NVL: variants seen among roughly 807,000 people sequenced by gnomAD.
NVL encodes nuclear VCP like.
NVL carries 84 observed loss-of-function variants against 110.2 expected under a neutral mutation model. The ratio of observed to expected loss-of-function variants is 0.76; its 90% CI spans 0.64 to 0.91. The LOEUF (loss-of-function observed/expected upper bound fraction) is 0.91. NVL is among the 40% of genes least tolerant of loss of function. The probability of loss-of-function intolerance (pLI) is 0.00; values close to 1 mark genes in which losing one functional copy is unlikely to be tolerated. For missense variants in NVL, 882 were observed against 1,035.9 expected (o/e 0.85, Z 2.04); for synonymous variants, 354 against 361.1 (o/e 0.98, Z 0.22).
intron 2 of NVL, among the ~76,000 whole-genome samples, chr1:224,321,883 G>A (rs1458229122): frequency 2.0e-5 from 3 of 152,026 alleles, no homozygotes; most frequent in Non-Finnish European, 4.4e-5. Flanking sequence ...ACCACAGCAA[G>A]GCTTCTTGGT....
intron 2 of NVL, among the ~76,000 whole-genome samples, chr1:224,325,227 A>C (rs1486231188): frequency 6.6e-6 from 1 of 150,690 alleles, no homozygotes; most frequent in Non-Finnish European, 1.5e-5. Flanking sequence ...GCGCCACTGC[A>C]CTCCAGCCTG....
chr1:224,323,387 T>C (rs933178563), intron 2 of NVL, among the ~76,000 whole-genome samples: 11 of 152,118 alleles, frequency 7.2e-5, no homozygotes, highest in East Asian at 3.9e-4. Context: ...TTGTAAAAAA[T>C]GAAAAAGCAT....
intron 18 of NVL, among the ~76,000 whole-genome samples, chr1:224,264,275 ACT>A (rs1282808643): frequency 6.7e-6 from 1 of 148,198 alleles, no homozygotes; most frequent in Non-Finnish European, 1.5e-5. Flanking sequence ...ATGGAGTCTC[ACT>A]CTGTCGCCCA....
chr1:224,311,779 C>A (rs1378253458), intron 5 of NVL, 21 bp downstream of exon 5: 2 of 1,598,458 alleles, frequency 1.3e-6, no homozygotes, highest in Non-Finnish European at 1.7e-6. Flanking sequence ...TCTAAGTGGA[C>A]CCACTAAATG....
At chr1:224,236,391 G>A (rs947530115) in intron 20 of NVL, 115 bp downstream of exon 20, 1 of 760,870 alleles carries the variant, frequency 1.3e-6, no homozygotes, top group Non-Finnish European at 2.3e-6. Context: ...TGCTTCATGG[G>A]ATACCTCATT....
At chr1:224,308,838 G>A (rs142720976) in intron 5 of NVL, among the ~76,000 whole-genome samples, 9,204 of 152,094 alleles carry the variant, frequency 0.061, 874 homozygotes, top group African/African-American at 0.2. Context: ...GAGGCGGGCG[G>A]ATCACGAGGT....
Position 224,275,436 on chromosome 1 carries a change from G to A in NVL, c.1985C>T (p.Ala662Val). The stretch of plus-strand genomic sequence containing the variant: ...GGCTCGTTGAAAAACTTGTCGCACA[G>A]CACGTTCACTCTCACCAACATACTA... ...LNMYVGESER[A>V]VRQVFQRAKN... The change falls in exon 17 of 23, where the codon GCT (alanine) becomes GTT (valine). Residue 662 changes from alanine to valine, a missense_variant. By Grantham distance (64) the Ala-to-Val change is moderately conservative. Coordinates refer to ENST00000281701, the MANE Select transcript of NVL (RefSeq NM_002533.4). 1 of 1,614,102 alleles carries A rather than the reference G, an allele frequency of 6.2e-7. No homozygotes were observed. Among genetic ancestry groups the A allele is most frequent in the Non-Finnish European group, 8.5e-7 (1 of 1,180,014 alleles).
At chr1:224,316,368 CATA>C in intron 4 of NVL, among the ~76,000 whole-genome samples, 1 of 151,968 alleles carries the variant, frequency 6.6e-6, no homozygotes. Context: ...TGCAATGTAA[CATA>C]CAGTGACAGA....
At chr1:224,230,957 C>A (rs1659809562) in intron 22 of NVL, among the ~76,000 whole-genome samples, 1 of 151,864 alleles carries the variant, frequency 6.6e-6, no homozygotes, top group South Asian at 2.1e-4. Flanking sequence ...CATGGTGAAA[C>A]CCCGTCTCTA....
intron 1 of NVL, 77 bp downstream of exon 1, chr1:224,329,994 C>T: frequency 7.0e-7 from 1 of 1,421,250 alleles, no homozygotes; most frequent in Non-Finnish European, 9.9e-7. Context: ...ACCTGGATGC[C>T]ACCCGACAAA....
Position 224,250,334 on chromosome 1 carries a change from G to GAA in NVL, c.2183-18_2183-17dup, listed in dbSNP as rs766551134. On this transcript the variant is annotated splice_polypyrimidine_tract_variant and intron_variant, in intron 18 of 22. Coordinates refer to ENST00000281701, the MANE Select transcript of NVL (RefSeq NM_002533.4). ...TCAATTATATCTAGAGAAGAAGGGAGAAAAAAAGTCTTAAATAAAACCTTT... is the reference window on the plus strand; with the variant it reads ...TCAATTATATCTAGAGAAGAAGGGAGAAAAAAAAAGTCTTAAATAAAACCTTT... The GAA allele has an allele frequency of 2.6e-6, 4 of 1,525,554 alleles. No homozygotes were observed. The African/African-American group carries it at 5.7e-5, about 22-fold the overall frequency. 94.5% of individuals were successfully genotyped at this position (1,525,554 alleles called of 1,614,324 possible). A position where few individuals can be genotyped will look rare whatever the true frequency, so the allele number is the denominator to read the frequency against.
chr1:224,233,812 G>T (rs560266458), intron 20 of NVL, among the ~76,000 whole-genome samples: 1 of 152,122 alleles, frequency 6.6e-6, no homozygotes, highest in East Asian at 1.9e-4. Flanking sequence ...GGAAATTATG[G>T]AGGAAACAAT....
intron 18 of NVL, 82 bp from the exon 19 acceptor site, chr1:224,250,400 C>T: frequency 7.8e-7 from 1 of 1,278,082 alleles, no homozygotes; most frequent in Non-Finnish European, 1.0e-6. Flanking sequence ...GGTCTTGTTC[C>T]ATCTCCCAGG....
chr1:224,300,465 G>T, intron 10 of NVL, 97 bp downstream of exon 10: 1 of 714,792 alleles, frequency 1.4e-6, no homozygotes, highest in Non-Finnish European at 2.3e-6. Context: ...AGAATGGCCA[G>T]TGAGTGGGTT....
At chr1:224,319,944 G>A (rs1314531076) in intron 2 of NVL, among the ~76,000 whole-genome samples, 1 of 151,950 alleles carries the variant, frequency 6.6e-6, no homozygotes, top group African/African-American at 2.4e-5. Flanking sequence ...CCAACCATGT[G>A]AAAACAGCAG....
rs909287403 is a variant in NVL at position 224,243,459 on chromosome 1, TCAA to T, written c.2289+6750_2289+6752del. On this transcript the variant is annotated intron_variant, in intron 19 of 22. Transcript: ENST00000281701. ...CTGGGTGACAGAGCAAGACCTTGTC[TCAA>T]CAACAACAACAACAAAAAAGTTTGT... Among the ~76,000 whole-genome samples, 15 of 151,936 alleles carry T rather than the reference TCAA, an allele frequency of 9.9e-5. 1 individual carries two copies. The highest frequency in any genetic ancestry group is 4.2e-4 in the South Asian group (2 of 4,808).
In NVL at chr1:224,257,516, C is replaced by T. The variant is rs68126259; in HGVS notation, c.2183-7198G>A. ...CTAGGACAAGTGGTTTTTTGTTTGTCTGTTTGTTTGTTTGTTTGTTTCTTT... is the reference window on the plus strand; with the variant it reads ...CTAGGACAAGTGGTTTTTTGTTTGTTTGTTTGTTTGTTTGTTTGTTTCTTT... On this transcript the variant is annotated intron_variant, in intron 18 of 22. Coordinates refer to ENST00000281701, the MANE Select transcript of NVL (RefSeq NM_002533.4). 0.019 allele frequency among the ~76,000 whole-genome samples: 142 copies of T among 7,652 alleles called. No individual in the cohort carries two copies. The East Asian group carries it at 0.34, about 18-fold the overall frequency. 5.0% of individuals were successfully genotyped at this position (7,652 alleles called of 152,430 possible).
chr1:224,252,125 T>A (rs1476196281), intron 18 of NVL, among the ~76,000 whole-genome samples: 1 of 152,130 alleles, frequency 6.6e-6, no homozygotes, highest in Non-Finnish European at 1.5e-5. Context: ...CCCTAAACAA[T>A]CCAGAAGCTT....
chr1:224,246,872 C>T (rs1484060377), intron 19 of NVL, among the ~76,000 whole-genome samples: 1 of 151,670 alleles, frequency 6.6e-6, no homozygotes, highest in Non-Finnish European at 1.5e-5. Flanking sequence ...CCCGTCTCTA[C>T]TAAAAATACA....
Sources: gnomAD v4.1 joint callset for allele counts (sites outside exome capture counted in the v4.1 genomes callset) on GRCh38, gnomAD v4.1.1 for gene constraint, MANE v1.5 for transcripts, NCBI Gene and HGNC (gene_info 2026-07-23, HGNC 2026-07-21) for gene names.